The following PLOD2 variants were observed in gnomAD, a reference collection of about 807,000 sequenced individuals.
PLOD2 encodes the protein lysine hydroxylase 2.
PLOD2 carries 65 observed loss-of-function variants against 101.0 expected under a neutral mutation model. That is an observed-to-expected ratio of 0.64 (90% CI 0.53 to 0.79). The LOEUF (loss-of-function observed/expected upper bound fraction) is 0.79, where lower values mean the gene tolerates loss of function less well. PLOD2 is among the 30% of genes least tolerant of loss of function. The pLI is 0.00. For synonymous variants in PLOD2, 314 were observed against 302.9 expected (o/e 1.04, Z -0.38); for missense variants, 909 against 914.6 (o/e 0.99, Z 0.08).
At chr3:146,156,213 C>T (rs377344526) in intron 1 of PLOD2, among the ~76,000 whole-genome samples, 17 of 152,336 alleles carry the variant, frequency 1.1e-4, no homozygotes, top group South Asian at 6.2e-4. Flanking sequence ...ATGCCCAGAG[C>T]CAGCTGCTAC....
chr3:146,143,171 T>A (rs1280047934), intron 1 of PLOD2, among the ~76,000 whole-genome samples: 1 of 152,092 alleles, frequency 6.6e-6, no homozygotes, highest in Non-Finnish European at 1.5e-5. Context: ...ACTAGCATTC[T>A]GCTGAATAAA....
At position 146,070,493 on chromosome 3, in the gene PLOD2, T is replaced by C. The variant is rs1430013377; in HGVS notation, c.*224A>G. 1 of 340,766 alleles carries C rather than the reference T, an allele frequency of 2.9e-6. No individual in the cohort carries two copies. Among genetic ancestry groups the C allele is most frequent in the Non-Finnish European group, 5.3e-6 (1 of 187,434 alleles). 21.1% of individuals were successfully genotyped at this position (340,766 alleles called of 1,614,324 possible). On this transcript the variant is annotated 3_prime_UTR_variant, in exon 20 of 20. Transcript: ENST00000282903. ...AGCATAGAAATAAATATTTAAGTTT[T>C]TTCTTTCTTTTCTTCTTCAATCTGT...
intron 3 of PLOD2, among the ~76,000 whole-genome samples, chr3:146,116,228 AACACACAGACACAG>A (rs1018806311): frequency 2.7e-4 from 41 of 151,878 alleles, no homozygotes; most frequent in Admixed American, 6.6e-4. Flanking sequence ...CCACCCTCAA[AACACACAGACACAG>A]ACACACAGAC....
rs544776893 is a variant in PLOD2, at chr3:146,139,887, C to G, written c.110-15658G>C. 8.5e-5 allele frequency among the ~76,000 whole-genome samples: 13 copies of G among 152,184 alleles called. No homozygotes were observed. In the South Asian group the frequency reaches 2.5e-3, roughly 29 times the overall value. ...GGAAAAGCTGGTCTTTCCCTGCCTT[C>G]CTCCCTTTCTCTTTCCTCACCTCGT... On this transcript the variant is annotated intron_variant, in intron 1 of 19. Transcript: ENST00000282903.
intron 1 of PLOD2, 26 bp downstream of exon 1, chr3:146,160,855 A>C: frequency 7.0e-7 from 1 of 1,435,090 alleles, no homozygotes; most frequent in East Asian, 2.4e-5. Context: ...GCCTCGCGGG[A>C]CAGCGGCGGA....
At chr3:146,126,138 A>T (rs984952807) in intron 1 of PLOD2, among the ~76,000 whole-genome samples, 1 of 152,208 alleles carries the variant, frequency 6.6e-6, no homozygotes, top group Non-Finnish European at 1.5e-5. Context: ...GGCAAAGCTT[A>T]ATCATGTGTA....
intron 7 of PLOD2, among the ~76,000 whole-genome samples, chr3:146,101,855 ATTGC>A (rs1309487287): frequency 1.3e-5 from 2 of 152,178 alleles, no homozygotes; most frequent in Non-Finnish European, 2.9e-5. Flanking sequence ...CAAGATAGAG[ATTGC>A]TTTGTAGGAA....
chr3:146,113,856 C>T (rs940746578), intron 3 of PLOD2, among the ~76,000 whole-genome samples: 8 of 152,250 alleles, frequency 5.3e-5, no homozygotes, highest in Non-Finnish European at 2.9e-5. Flanking sequence ...GCCTGAGAGC[C>T]GGGCGGAACA....
chr3:146,071,053 C>T lies in PLOD2; in HGVS notation c.2110G>A (p.Glu704Lys), dbSNP rs140079753. The change falls in exon 19 of 20, where the codon GAA becomes AAA. Residue 704 changes from glutamate to lysine, a missense_variant. Glu to Lys is a moderately conservative substitution (Grantham distance 56). Transcript: ENST00000282903. Reference sequence around the variant, plus strand: ...AGAGTCATAATTACCTGAAAGTCTTCTCCCACGTTATTAAGTGCAATGTTT... The same window carrying T: ...AGAGTCATAATTACCTGAAAGTCTTTTCCCACGTTATTAAGTGCAATGTTT... ...TINIALNNVG[E>K]DFQGGGCKFL... 4.2e-4 allele frequency: 667 copies of T among 1,606,844 alleles called. No individual in the cohort carries two copies. Among genetic ancestry groups the T allele is most frequent in the Non-Finnish European group, 5.2e-4 (616 of 1,174,458 alleles).
intron 3 of PLOD2, among the ~76,000 whole-genome samples, chr3:146,113,520 C>T (rs955192641): frequency 6.6e-6 from 1 of 152,114 alleles, no homozygotes; most frequent in Non-Finnish European, 1.5e-5. Context: ...TTTATTAGTT[C>T]CCCAAATTAA....
In PLOD2 at chr3:146,112,952, T is replaced by C. The variant is rs570850487; in HGVS notation, c.339-2504A>G. Among the ~76,000 whole-genome samples the C allele has an allele frequency of 2.6e-5, 4 of 151,724 alleles. No homozygotes were observed. In the East Asian group the frequency reaches 5.8e-4, roughly 22 times the overall value. On this transcript the variant is annotated intron_variant, in intron 3 of 19. Coordinates refer to ENST00000282903, the MANE Select transcript of PLOD2 (RefSeq NM_182943.3). ...AACAAACCTGCACGTTCTGCACATA[T>C]ATCCCAGAACTTGAAGTAAAATAAT...
At chr3:146,148,338 G>GCACACGCACA (rs1553742440) in intron 1 of PLOD2, among the ~76,000 whole-genome samples, 1 of 146,448 alleles carries the variant, frequency 6.8e-6, no homozygotes, top group Admixed American at 6.8e-5. Flanking sequence ...AGGCAGGCAC[G>GCACACGCACA]CACACACACA....
chr3:146,070,944 G>A, intron 19 of PLOD2, 72 bp from the exon 20 acceptor site: 1 of 1,513,020 alleles, frequency 6.6e-7, no homozygotes, highest in Non-Finnish European at 9.1e-7. Flanking sequence ...TATGTCATTT[G>A]AGCAAAATTT....
intron 3 of PLOD2, 93 bp downstream of exon 3, chr3:146,121,019 C>G: frequency 1.9e-6 from 2 of 1,069,010 alleles, no homozygotes; most frequent in Non-Finnish European, 2.8e-6. Flanking sequence ...CCGTGCCCAA[C>G]CATATTTTAA....
Position 146,152,787 on chromosome 3 carries a change from A to G in PLOD2, c.109+8094T>C, listed in dbSNP as rs546124309. Among the ~76,000 whole-genome samples the G allele has an allele frequency of 2.0e-5, 3 of 152,330 alleles. No homozygotes were observed. The East Asian group carries it at 5.8e-4, about 29-fold the overall frequency. On this transcript the variant is annotated intron_variant, in intron 1 of 19. Transcript: ENST00000282903. ...TCCCTGCAAGAATCTTAGAATTTCA[A>G]TACAGAACTATACCAAAGTCAGAGA...
chr3:146,108,125 CATCT>C (rs1937568438), intron 4 of PLOD2, among the ~76,000 whole-genome samples: 1 of 151,752 alleles, frequency 6.6e-6, no homozygotes. Flanking sequence ...GAAAAAAAAA[CATCT>C]ATTTTCACAT....
At position 146,071,333 on chromosome 3, in the gene PLOD2, TA is replaced by T. The variant is rs1936122478; in HGVS notation, c.1938del (p.Phe646LeufsTer11). The T allele has an allele frequency of 6.2e-7, 1 of 1,612,198 alleles. No individual in the cohort carries two copies. The highest frequency in any genetic ancestry group is 1.1e-5 in the South Asian group (1 of 91,066). On this transcript the variant is annotated frameshift_variant, in exon 18 of 20. Coordinates refer to ENST00000282903, the MANE Select transcript of PLOD2 (RefSeq NM_182943.3). LOFTEE classifies it high-confidence loss of function. The part of the protein sequence containing the change: ...QVDLENVWLH[F>X]IREFIAPVTL... ...GTAACTGGTGCAATGAACTCCCGGA[TA>T]AAATGAAGCCATACATTCTCCAGAT...
intron 7 of PLOD2, among the ~76,000 whole-genome samples, chr3:146,096,852 C>T (rs1937187194): frequency 8.2e-6 from 1 of 122,418 alleles, no homozygotes; most frequent in Admixed American, 7.6e-5. Context: ...CCCCTCTGCC[C>T]GGCCAGCTGC....
intron 1 of PLOD2, 103 bp downstream of exon 1, chr3:146,160,778 C>A: frequency 1.3e-6 from 1 of 745,674 alleles, no homozygotes; most frequent in Non-Finnish European, 2.3e-6. Flanking sequence ...GGACAGGCCC[C>A]CACTACTCAC....
Sources: gnomAD v4.1 joint callset for allele counts (sites outside exome capture counted in the v4.1 genomes callset) on GRCh38, gnomAD v4.1.1 for gene constraint, MANE v1.5 for transcripts, NCBI Gene and HGNC (gene_info 2026-07-23, HGNC 2026-07-21) for gene names.